Variants in PKIA observed in about 807,000 individuals in gnomAD.
PKIA encodes PKI-alpha.
In PKIA, 4 loss-of-function variants were observed where a neutral mutation model predicts 7.6. The observed-to-expected ratio is 0.52, with a 90% CI of 0.26 to 1.20. PKIA has a LOEUF of 1.20. Ranked by LOEUF, PKIA falls within the 50% of genes most tolerant of loss-of-function variation. PKIA has a pLI of 0.13. For synonymous variants in PKIA, 21 were observed against 30.7 expected (o/e 0.68, Z 1.04); for missense variants, 73 against 86.2 (o/e 0.85, Z 0.61).
At chr8:78,562,357 G>T (rs1363920021) in intron 1 of PKIA, among the ~76,000 whole-genome samples, 1 of 152,058 alleles carries the variant, frequency 6.6e-6, no homozygotes, top group Non-Finnish European at 1.5e-5. Context: ...ATTTTTATAG[G>T]AGACTCAACA....
At chr8:78,524,995 G>A (rs892934074) in intron 1 of PKIA, among the ~76,000 whole-genome samples, 3 of 151,844 alleles carry the variant, frequency 2.0e-5, no homozygotes, top group African/African-American at 7.3e-5. Flanking sequence ...GATTGCTTTA[G>A]TATATGTGGT....
intron 2 of PKIA, among the ~76,000 whole-genome samples, chr8:78,586,367 T>C (rs1288013632): frequency 1.3e-5 from 2 of 152,190 alleles, no homozygotes; most frequent in African/African-American, 2.4e-5. Flanking sequence ...ACTTTTGCAT[T>C]TTCAAAAATA....
At chr8:78,522,165 A>T (rs1007575700) in intron 1 of PKIA, among the ~76,000 whole-genome samples, 6 of 151,988 alleles carry the variant, frequency 3.9e-5, no homozygotes, top group Non-Finnish European at 8.8e-5. Flanking sequence ...TACATTAAAC[A>T]TGGCTAGCAT....
chr8:78,593,003 T>C (rs946183795), intron 2 of PKIA, among the ~76,000 whole-genome samples: 3 of 152,254 alleles, frequency 2.0e-5, no homozygotes, highest in African/African-American at 7.2e-5. Context: ...GTAATATGTA[T>C]GATTTAGTGG....
intron 1 of PKIA, among the ~76,000 whole-genome samples, chr8:78,563,344 A>G (rs1807328475): frequency 6.6e-6 from 1 of 152,198 alleles, no homozygotes; most frequent in African/African-American, 2.4e-5. Context: ...CAAACAATAT[A>G]GAAGTCTTGA....
chr8:78,524,248 TTA>T (rs1336407024), intron 1 of PKIA, among the ~76,000 whole-genome samples: 8 of 144,386 alleles, frequency 5.5e-5, no homozygotes, highest in African/African-American at 2.0e-4. Context: ...ATATATGTTT[TTA>T]TATATATGGG....
intron 1 of PKIA, among the ~76,000 whole-genome samples, chr8:78,526,890 C>A (rs550005728): frequency 4.9e-4 from 74 of 151,808 alleles, no homozygotes; most frequent in Middle Eastern, 6.8e-3. Context: ...TTTTGTTGGG[C>A]TTGAAAAGCA....
At chr8:78,566,638 G>A (rs992856640) in intron 1 of PKIA, among the ~76,000 whole-genome samples, 7 of 151,862 alleles carry the variant, frequency 4.6e-5, no homozygotes, top group African/African-American at 1.7e-4. Context: ...GGAAAAGGTG[G>A]GTAGAAAATG....
At chr8:78,538,077 A>G (rs193215190) in intron 1 of PKIA, among the ~76,000 whole-genome samples, 1 of 152,042 alleles carries the variant, frequency 6.6e-6, no homozygotes, top group East Asian at 1.9e-4. Context: ...GCTGGCCCTA[A>G]ACTTGTTCTT....
intron 1 of PKIA, among the ~76,000 whole-genome samples, chr8:78,527,862 G>A (rs1806286723): frequency 6.6e-6 from 1 of 151,934 alleles, no homozygotes; most frequent in Non-Finnish European, 1.5e-5. Flanking sequence ...ATTGTCCTAT[G>A]CATAATAAAT....
intron 2 of PKIA, among the ~76,000 whole-genome samples, chr8:78,584,132 C>A (rs1807890412): frequency 6.6e-6 from 1 of 151,854 alleles, no homozygotes; most frequent in Non-Finnish European, 1.5e-5. Context: ...TTATGATTAA[C>A]CCTGTTCTAC....
chr8:78,518,007 T>G (rs1809347597), intron 1 of PKIA, among the ~76,000 whole-genome samples: 1 of 152,236 alleles, frequency 6.6e-6, no homozygotes, highest in Admixed American at 6.5e-5. Flanking sequence ...GCTTAAAATT[T>G]TACCTCTTTC....
At position 78,590,819 on chromosome 8, in the gene PKIA, A is replaced by G. The variant is rs138976671; in HGVS notation, c.-27-7539A>G. On this transcript the variant is annotated intron_variant, in intron 2 of 3. Coordinates refer to ENST00000396418, the MANE Select transcript of PKIA (RefSeq NM_006823.4). Reference sequence around the variant, plus strand: ...GATTTATCCCTGGAGAATGAAAGCTAAGTGGGGTTCTTCATAATTTTTGAG... The same window carrying G: ...GATTTATCCCTGGAGAATGAAAGCTGAGTGGGGTTCTTCATAATTTTTGAG... Among the ~76,000 whole-genome samples the G allele has an allele frequency of 1.5e-3, 223 of 152,270 alleles. 2 individuals carry two copies. The highest frequency in any genetic ancestry group is 5.0e-4 in the Non-Finnish European group (34 of 68,008).
At chr8:78,564,946 A>G (rs914715164) in intron 1 of PKIA, among the ~76,000 whole-genome samples, 1 of 151,928 alleles carries the variant, frequency 6.6e-6, no homozygotes, top group South Asian at 2.1e-4. Context: ...TGCAACAGTA[A>G]TGGGAATTTT....
chr8:78,558,336 A>T (rs1807193747), intron 1 of PKIA: 1 of 152,264 alleles, frequency 6.6e-6, no homozygotes, highest in African/African-American at 2.4e-5. Flanking sequence ...TGCCTCTCTC[A>T]CTGTAGGTAA....
At position 78,559,876 on chromosome 8, in the gene PKIA, T is replaced by C. The variant is rs183885686; in HGVS notation, c.-156-12935T>C. Among the ~76,000 whole-genome samples, 28 of 152,358 alleles carry C rather than the reference T, an allele frequency of 1.8e-4. No individual in the cohort carries two copies. In the East Asian group the frequency reaches 5.4e-3, roughly 29 times the overall value. On this transcript the variant is annotated intron_variant, in intron 1 of 3. Coordinates refer to ENST00000396418, the MANE Select transcript of PKIA (RefSeq NM_006823.4). The stretch of plus-strand genomic sequence containing the variant: ...CACATATGTTGTAACATAAAGATTT[T>C]TGGTGATATCCTAGTCCCAAAGTGA...
At chr8:78,533,873 C>T (rs1012632002) in intron 1 of PKIA, 4 of 151,936 alleles carry the variant, frequency 2.6e-5, no homozygotes, top group South Asian at 2.1e-4. Context: ...CAAAAAGACA[C>T]AAGAAAAGGG....
intron 2 of PKIA, among the ~76,000 whole-genome samples, chr8:78,594,427 T>A (rs1230529975): frequency 6.6e-6 from 1 of 151,728 alleles, no homozygotes; most frequent in African/African-American, 2.4e-5. Flanking sequence ...TGCTAAAAAA[T>A]TCAGAATGTG....
chr8:78,580,488 C>T (rs1192003392), intron 2 of PKIA, among the ~76,000 whole-genome samples: 1 of 151,946 alleles, frequency 6.6e-6, no homozygotes, highest in African/African-American at 2.4e-5. Context: ...GGTGGGTATA[C>T]AGGGTATTGC....
Sources: gnomAD v4.1 joint callset for allele counts (sites outside exome capture counted in the v4.1 genomes callset) on GRCh38, gnomAD v4.1.1 for gene constraint, MANE v1.5 for transcripts, NCBI Gene and HGNC (gene_info 2026-07-23, HGNC 2026-07-21) for gene names.